Variants in CTNNA2 observed in about 807,000 individuals in gnomAD.
The protein encoded by CTNNA2 is catenin alpha 2.
In CTNNA2, 42 loss-of-function variants were observed where a neutral mutation model predicts 101.0. The ratio of observed to expected loss-of-function variants is 0.42; its 90% confidence interval spans 0.32 to 0.54. The LOEUF (loss-of-function observed/expected upper bound fraction) is 0.54. CTNNA2 is among the 20% of genes least tolerant of loss of function. CTNNA2 has a pLI of 0.14. For missense variants in CTNNA2, 871 were observed against 1,223.1 expected (o/e 0.71, Z 4.29); for synonymous variants, 450 against 456.4 (o/e 0.99, Z 0.18).
intron 2 of CTNNA2, among the ~76,000 whole-genome samples, chr2:79,228,832 A>G (rs2104234660): frequency 6.6e-6 from 1 of 152,250 alleles, no homozygotes; most frequent in African/African-American, 2.4e-5. Flanking sequence ...TGACAAAACA[A>G]ATGTAAAGAA....
rs1207191791 is a variant in CTNNA2, at chr2:79,929,081, G to GCC, written c.1056+19284_1056+19285insCC. 3.9e-5 allele frequency among the ~76,000 whole-genome samples: 6 copies of GCC among 152,286 alleles called. No individual in the cohort carries two copies. The East Asian group carries it at 9.7e-4, about 25-fold the overall frequency. On this transcript the variant is annotated intron_variant, in intron 7 of 18. Coordinates refer to ENST00000402739, the MANE Select transcript of CTNNA2 (RefSeq NM_001282597.3). ...AAGGATAACCTTCCTTTGACAGGGA[G>GCC]ATGTGACAGGGACTGGGGCTCCAGC...
chr2:79,305,377 T>C (rs1289322424), intron 2 of CTNNA2, among the ~76,000 whole-genome samples: 5 of 129,064 alleles, frequency 3.9e-5, no homozygotes, highest in Admixed American at 1.6e-4. Context: ...TATACACATA[T>C]ATATATATAT....
intron 9 of CTNNA2, among the ~76,000 whole-genome samples, chr2:80,491,953 T>G (rs1687096738): frequency 6.6e-6 from 1 of 152,094 alleles, no homozygotes. Flanking sequence ...CCATGGGAAG[T>G]GAGGAGAGAG....
At chr2:80,357,669 T>G (rs1673972940) in intron 7 of CTNNA2, among the ~76,000 whole-genome samples, 1 of 152,094 alleles carries the variant, frequency 6.6e-6, no homozygotes, top group Non-Finnish European at 1.5e-5. Flanking sequence ...GACAGAAGAA[T>G]CAATATGACT....
chr2:80,226,183 AG>A (rs1316598710), intron 7 of CTNNA2, among the ~76,000 whole-genome samples: 1 of 152,206 alleles, frequency 6.6e-6, no homozygotes, highest in Non-Finnish European at 1.5e-5. Flanking sequence ...CTAAATTGCT[AG>A]GGTTAAAACA....
At chr2:79,316,054 C>T (rs1022450408) in intron 3 of CTNNA2, among the ~76,000 whole-genome samples, 38 of 152,118 alleles carry the variant, frequency 2.5e-4, no homozygotes, top group African/African-American at 9.2e-4. Context: ...GAAGATTACT[C>T]CCAAGTTTTC....
At chr2:80,182,979 G>A (rs1187532597) in intron 7 of CTNNA2, among the ~76,000 whole-genome samples, 1 of 152,184 alleles carries the variant, frequency 6.6e-6, no homozygotes, top group Non-Finnish European at 1.5e-5. Flanking sequence ...AAAGGGAGAA[G>A]GAGCATGATC....
chr2:79,611,873 A>G (rs541176111), intron 1 of CTNNA2, among the ~76,000 whole-genome samples: 2 of 152,306 alleles, frequency 1.3e-5, no homozygotes, highest in African/African-American at 4.8e-5. Context: ...AGATGTCATT[A>G]TGAGTTAAAT....
At chr2:79,362,301 A>G (rs1231739455) in intron 3 of CTNNA2, among the ~76,000 whole-genome samples, 1 of 152,204 alleles carries the variant, frequency 6.6e-6, no homozygotes, top group Admixed American at 6.5e-5. Flanking sequence ...GTTATTTGTT[A>G]TTATTTAGTT....
intron 1 of CTNNA2, among the ~76,000 whole-genome samples, chr2:79,589,335 ACTTAT>A (rs983564645): frequency 1.3e-5 from 2 of 152,228 alleles, no homozygotes; most frequent in African/African-American, 4.8e-5. Context: ...TGGAGAAATT[ACTTAT>A]CTTTTCTATC....
intron 7 of CTNNA2, among the ~76,000 whole-genome samples, chr2:80,337,944 C>T (rs766625285): frequency 2.0e-4 from 31 of 151,768 alleles, no homozygotes; most frequent in Non-Finnish European, 3.5e-4. Flanking sequence ...CTTCCTAGAG[C>T]GGAATGTATG....
intron 7 of CTNNA2, among the ~76,000 whole-genome samples, chr2:80,382,308 A>T (rs1173074959): frequency 6.6e-6 from 1 of 152,154 alleles, no homozygotes; most frequent in Non-Finnish European, 1.5e-5. Context: ...TTTCAAGGAA[A>T]TGTAATGGTC....
intron 18 of CTNNA2, among the ~76,000 whole-genome samples, chr2:80,635,749 T>C (rs1368416666): frequency 6.6e-6 from 1 of 151,838 alleles, no homozygotes; most frequent in East Asian, 1.9e-4. Context: ...TTGCTAACTC[T>C]CATCAATTGC....
At chr2:79,506,594 TA>T in intron 5 of CTNNA2, among the ~76,000 whole-genome samples, 1 of 152,376 alleles carries the variant, frequency 6.6e-6, no homozygotes, top group African/African-American at 2.4e-5. Context: ...GTTTTCATCT[TA>T]AAAATGTGGT....
chr2:79,704,404 A>T (rs952026595), intron 2 of CTNNA2, among the ~76,000 whole-genome samples: 6 of 151,980 alleles, frequency 3.9e-5, no homozygotes, highest in African/African-American at 1.5e-4. Context: ...TTTTTTGTGC[A>T]TATTTTCAAC....
chr2:80,263,798 A>G (rs544520172), intron 7 of CTNNA2, among the ~76,000 whole-genome samples: 1 of 152,308 alleles, frequency 6.6e-6, no homozygotes, highest in African/African-American at 2.4e-5. Context: ...TTTAACCTCT[A>G]GTCTAACACT....
intron 7 of CTNNA2, among the ~76,000 whole-genome samples, chr2:80,142,656 G>C (rs1703086284): frequency 6.6e-6 from 1 of 152,110 alleles, no homozygotes; most frequent in African/African-American, 2.4e-5. Flanking sequence ...ATACAAGCTT[G>C]TCCAACCCAC....
chr2:80,424,382 T>C (rs1477737834), intron 9 of CTNNA2, among the ~76,000 whole-genome samples: 1 of 152,252 alleles, frequency 6.6e-6, no homozygotes, highest in Non-Finnish European at 1.5e-5. Flanking sequence ...TATGGGACTC[T>C]ATGAGGCTTT....
chr2:80,040,391 G>C (rs749047495), intron 7 of CTNNA2, among the ~76,000 whole-genome samples: 5 of 152,162 alleles, frequency 3.3e-5, no homozygotes, highest in Non-Finnish European at 7.3e-5. Context: ...GCACAGAGAG[G>C]TTCAGTGACT....
Sources: gnomAD v4.1 joint callset for allele counts (sites outside exome capture counted in the v4.1 genomes callset) on GRCh38, gnomAD v4.1.1 for gene constraint, MANE v1.5 for transcripts, NCBI Gene and HGNC (gene_info 2026-07-23, HGNC 2026-07-21) for gene names.